Variants in MPP7 observed in about 807,000 individuals in gnomAD.
The protein encoded by MPP7 is MAGUK p55 subfamily member 7.
MPP7 carries 60 observed loss-of-function variants against 76.5 expected under a neutral mutation model. That is an observed-to-expected ratio of 0.78 (90% confidence interval 0.64 to 0.97). MPP7 has a LOEUF of 0.97. Among genes scored for constraint, MPP7 ranks in the 50% least tolerant of loss-of-function variants. MPP7 has a pLI of 0.00. For synonymous variants in MPP7, 237 were observed against 244.5 expected (o/e 0.97, Z 0.29); for missense variants, 641 against 694.0 (o/e 0.92, Z 0.86).
intron 6 of MPP7, among the ~76,000 whole-genome samples, chr10:28,130,678 G>T (rs2133677129): frequency 6.6e-6 from 1 of 152,176 alleles, no homozygotes; most frequent in African/African-American, 2.4e-5. Flanking sequence ...CAGTCTTGTG[G>T]CTTCTCCAAC....
At chr10:28,109,879 A>C (rs561620806) in intron 11 of MPP7, among the ~76,000 whole-genome samples, 1 of 145,524 alleles carries the variant, frequency 6.9e-6, no homozygotes, top group South Asian at 2.2e-4. Flanking sequence ...AAAAACACTT[A>C]AAACAATTAG....
intron 2 of MPP7, among the ~76,000 whole-genome samples, chr10:28,324,768 C>A (rs914349987): frequency 5.3e-5 from 8 of 152,196 alleles, no homozygotes; most frequent in Non-Finnish European, 1.0e-4. Flanking sequence ...TCACAAGTAT[C>A]CAGAACTCTA....
chr10:28,186,854 C>T (rs540300489), intron 3 of MPP7, among the ~76,000 whole-genome samples: 1 of 152,288 alleles, frequency 6.6e-6, no homozygotes, highest in East Asian at 1.9e-4. Flanking sequence ...AGAGACTCCA[C>T]TGTTAGGTAT....
intron 12 of MPP7, among the ~76,000 whole-genome samples, chr10:28,079,873 T>C (rs1240862729): frequency 1.3e-5 from 2 of 152,032 alleles, no homozygotes; most frequent in African/African-American, 4.8e-5. Flanking sequence ...CATAATCCTA[T>C]CACTTAGGAA....
At chr10:28,311,975 C>A (rs997590315) in intron 2 of MPP7, among the ~76,000 whole-genome samples, 1 of 152,006 alleles carries the variant, frequency 6.6e-6, no homozygotes, top group Non-Finnish European at 1.5e-5. Context: ...TTTTTTCTGG[C>A]ATTGTGTCCA....
chr10:28,086,351 T>C (rs1378566379), intron 12 of MPP7, among the ~76,000 whole-genome samples: 2 of 152,224 alleles, frequency 1.3e-5, no homozygotes, highest in Non-Finnish European at 2.9e-5. Context: ...AGCAAAGCAC[T>C]TGGCCCCAAA....
chr10:28,329,725 A>G (rs187492050), intron 2 of MPP7, among the ~76,000 whole-genome samples: 1 of 152,142 alleles, frequency 6.6e-6, no homozygotes, highest in East Asian at 1.9e-4. Flanking sequence ...TGCAAAATTG[A>G]GTCGCATTTG....
chr10:28,269,484 C>T (rs1840252539), intron 1 of MPP7, among the ~76,000 whole-genome samples: 1 of 151,862 alleles, frequency 6.6e-6, no homozygotes, highest in Non-Finnish European at 1.5e-5. Flanking sequence ...CTTCAATTGG[C>T]TGGAGAACTT....
intron 2 of MPP7, among the ~76,000 whole-genome samples, chr10:28,237,127 C>A (rs1193350408): frequency 6.6e-6 from 1 of 152,164 alleles, no homozygotes; most frequent in Non-Finnish European, 1.5e-5. Flanking sequence ...TTTTAATCCT[C>A]CTTCAAGTTA....
intron 12 of MPP7, among the ~76,000 whole-genome samples, chr10:28,086,888 G>A (rs1853037581): frequency 6.6e-6 from 1 of 152,166 alleles, no homozygotes; most frequent in South Asian, 2.1e-4. Flanking sequence ...ACTCTGAAAG[G>A]CAAACAAAAC....
At chr10:28,264,888 G>C (rs1383004839) in intron 1 of MPP7, among the ~76,000 whole-genome samples, 2 of 152,152 alleles carry the variant, frequency 1.3e-5, no homozygotes, top group African/African-American at 4.8e-5. Flanking sequence ...CCAAGGAAGA[G>C]AGACTTTCAG....
intron 2 of MPP7, among the ~76,000 whole-genome samples, chr10:28,213,791 CAAAA>C (rs575725136): frequency 1.7e-5 from 1 of 58,074 alleles, no homozygotes. Flanking sequence ...GACTCTGTCT[CAAAA>C]AAAAAAAAAA....
intron 2 of MPP7, among the ~76,000 whole-genome samples, chr10:28,220,273 C>T (rs529768656): frequency 9.2e-5 from 14 of 152,084 alleles, no homozygotes; most frequent in Admixed American, 7.9e-4. Context: ...AAAATAAATA[C>T]GATGGTAGTT....
At position 28,167,033 on chromosome 10, in the gene MPP7, G is replaced by A. The variant is rs368883186; in HGVS notation, c.157-16974C>T. 1.0e-3 allele frequency among the ~76,000 whole-genome samples: 158 copies of A among 152,156 alleles called. 1 individual carries two copies. Among genetic ancestry groups the A allele is most frequent in the African/African-American group, 3.6e-3 (151 of 41,502 alleles). The stretch of plus-strand genomic sequence containing the variant: ...TATTATGAACTCTGCTAGTGGGGCC[G>A]GGCATGGTAGCTCATGCCTGTAATC... On this transcript the variant is annotated intron_variant, in intron 3 of 16. Coordinates refer to ENST00000683449, the MANE Select transcript of MPP7 (RefSeq NM_001318170.2).
At chr10:28,173,511 A>G (rs1368869213) in intron 3 of MPP7, among the ~76,000 whole-genome samples, 6 of 152,214 alleles carry the variant, frequency 3.9e-5, no homozygotes, top group Non-Finnish European at 7.3e-5. Flanking sequence ...TCTATGTATC[A>G]GCTCTGCTTT....
chr10:28,062,259 T>A (rs1006509337), intron 13 of MPP7, among the ~76,000 whole-genome samples: 3 of 152,278 alleles, frequency 2.0e-5, no homozygotes, highest in Admixed American at 1.3e-4. Flanking sequence ...GCTGCCAGGT[T>A]TCTGTATTTT....
At chr10:28,158,494 T>C (rs1422082588) in intron 3 of MPP7, among the ~76,000 whole-genome samples, 1 of 152,066 alleles carries the variant, frequency 6.6e-6, no homozygotes, top group African/African-American at 2.4e-5. Flanking sequence ...CAATCCCTCA[T>C]AGAGAACAGG....
At chr10:28,118,847 T>A (rs1334050996) in intron 11 of MPP7, 1 of 985,272 alleles carries the variant, frequency 1.0e-6, no homozygotes, top group African/African-American at 1.7e-5. Flanking sequence ...GCAACAATAC[T>A]AAAAACAGAT....
At chr10:28,278,712 A>G (rs1840577358) in intron 1 of MPP7, among the ~76,000 whole-genome samples, 1 of 152,028 alleles carries the variant, frequency 6.6e-6, no homozygotes, top group Non-Finnish European at 1.5e-5. Flanking sequence ...ATAAAAGGAT[A>G]TATACAAATT....
Sources: gnomAD v4.1 joint callset for allele counts (sites outside exome capture counted in the v4.1 genomes callset) on GRCh38, gnomAD v4.1.1 for gene constraint, MANE v1.5 for transcripts, NCBI Gene and HGNC (gene_info 2026-07-23, HGNC 2026-07-21) for gene names.